WDR5: variants seen among roughly 807,000 people sequenced by gnomAD.
WDR5 encodes the protein WD repeat-containing protein 5.
For missense variants in WDR5, 187 were observed against 416.9 expected, an observed-to-expected ratio of 0.45 and a Z score of 4.80; for synonymous variants, 144 against 161.6, an observed-to-expected ratio of 0.89 and a Z score of 0.83.
intron 9 of WDR5, among the ~76,000 whole-genome samples, chr9:134,153,231 C>T (rs571939502): frequency 6.6e-6 from 1 of 152,308 alleles, no homozygotes; most frequent in African/African-American, 2.4e-5. Context: ...GGGGGGTTGT[C>T]CTCATCCTGC....
At chr9:134,156,354 A>AG in intron 12 of WDR5, 152 bp from the exon 13 acceptor site, 1 of 700,142 alleles carries the variant, frequency 1.4e-6, no homozygotes, top group Non-Finnish European at 2.5e-6. Flanking sequence ...GCCTGGCTGG[A>AG]GGGCAGGCAG....
At chr9:134,140,310 G>T (rs1336507610) in intron 2 of WDR5, among the ~76,000 whole-genome samples, 3 of 152,172 alleles carry the variant, frequency 2.0e-5, no homozygotes, top group African/African-American at 7.2e-5. Flanking sequence ...AAAGGGAGCA[G>T]GGCTTCAGTG....
chr9:134,151,758 A>G (rs1238833281), intron 8 of WDR5, among the ~76,000 whole-genome samples: 3 of 152,242 alleles, frequency 2.0e-5, no homozygotes, highest in South Asian at 2.1e-4. Flanking sequence ...TACCCCACAC[A>G]TGGTCTGCAC....
intron 1 of WDR5, among the ~76,000 whole-genome samples, chr9:134,137,480 C>G (rs1289125365): frequency 6.6e-6 from 1 of 151,732 alleles, no homozygotes; most frequent in African/African-American, 2.4e-5. Flanking sequence ...GTCAGGAGTT[C>G]GAGACTAGCC....
At chr9:134,145,096 G>GTTTTTTGTTTTTTTTTTTTT (rs1316019740) in intron 7 of WDR5, among the ~76,000 whole-genome samples, 24 of 104,660 alleles carry the variant, frequency 2.3e-4, no homozygotes, top group Non-Finnish European at 3.7e-4. Flanking sequence ...GTGGGGCTTT[G>GTTTTTTGTTTTTTTTTTTTT]TTTTTTTTTT....
intron 7 of WDR5, among the ~76,000 whole-genome samples, chr9:134,147,504 G>A (rs897105621): frequency 6.6e-6 from 1 of 152,128 alleles, no homozygotes; most frequent in Non-Finnish European, 1.5e-5. Flanking sequence ...ACTGCACAGG[G>A]GCAGTACCAC....
In WDR5 at chr9:134,158,143, G is replaced by A. The variant is rs1832835384; in HGVS notation, c.*150G>A. 5 of 678,018 alleles carry A rather than the reference G, an allele frequency of 7.4e-6. No individual in the cohort carries two copies. The Admixed American group carries it at 1.4e-4, about 18-fold the overall frequency. The allele number at this position is 678,018 out of a possible 1,614,324, so 42.0% of individuals were successfully genotyped here. ...TCCTCTCTGAAGATGATTTGGCCGA[G>A]CGGAAGGTGTGGACCACCGGAAAGT... On this transcript the variant is annotated 3_prime_UTR_variant, in exon 14 of 14. Coordinates refer to ENST00000358625, the MANE Select transcript of WDR5 (RefSeq NM_017588.3).
chr9:134,153,922 ACT>A (rs1832622943), intron 9 of WDR5, among the ~76,000 whole-genome samples: 1 of 150,958 alleles, frequency 6.6e-6, no homozygotes, highest in Non-Finnish European at 1.5e-5. Context: ...GGGAACCTTG[ACT>A]CTTTTTCAGC....
chr9:134,154,259 T>C (rs1340361202), intron 9 of WDR5, among the ~76,000 whole-genome samples: 1 of 152,120 alleles, frequency 6.6e-6, no homozygotes, highest in Non-Finnish European at 1.5e-5. Flanking sequence ...CCCGGGCCTA[T>C]GGGCTTGAGG....
chr9:134,152,922 T>C (rs1295852262), intron 9 of WDR5, among the ~76,000 whole-genome samples: 1 of 152,178 alleles, frequency 6.6e-6, no homozygotes. Flanking sequence ...CCTCCGTGTG[T>C]CCAAATGTCC....
chr9:134,147,764 A>C (rs1245453565), intron 7 of WDR5, among the ~76,000 whole-genome samples: 1 of 151,844 alleles, frequency 6.6e-6, no homozygotes, highest in Non-Finnish European at 1.5e-5. Context: ...TCATGCCTGT[A>C]CTCCCAGCAC....
At chr9:134,138,953 CT>C (rs1422955507) in intron 1 of WDR5, among the ~76,000 whole-genome samples, 1 of 152,126 alleles carries the variant, frequency 6.6e-6, no homozygotes, top group Non-Finnish European at 1.5e-5. Flanking sequence ...ACCTGTTGTG[CT>C]TTTATGAGAT....
rs536159368 is a variant in WDR5, at chr9:134,140,406, G to A, written c.82-297G>A. On this transcript the variant is annotated intron_variant, in intron 2 of 13. Transcript: ENST00000358625. Reference sequence around the variant, plus strand: ...GTAGCAGGATCACAGGTGGGATTGAGGTGGGGGGATGAGGTGGATTGAGGG... The same window carrying A: ...GTAGCAGGATCACAGGTGGGATTGAAGTGGGGGGATGAGGTGGATTGAGGG... Among the ~76,000 whole-genome samples the A allele has an allele frequency of 2.4e-4, 37 of 152,192 alleles. 1 individual carries two copies. The highest frequency in any genetic ancestry group is 2.1e-3 in the Admixed American group (32 of 15,280).
rs1832710483 is a variant in WDR5, at chr9:134,155,573, G to A, written c.742-120G>A. The A allele has an allele frequency of 1.4e-5, 18 of 1,278,474 alleles. No individual in the cohort carries two copies. In the South Asian group the frequency reaches 2.3e-4, roughly 16 times the overall value. The allele number at this position is 1,278,474 out of a possible 1,614,324, so 79.2% of individuals were successfully genotyped here. A position where few individuals can be genotyped will look rare whatever the true frequency, so the allele number is the denominator to read the frequency against. Reference sequence around the variant, plus strand: ...TTAAATCTTCGATTGTGTGGGTTTGGTACTTGTACTTTTCAGAAATAAGTG... The same window carrying A: ...TTAAATCTTCGATTGTGTGGGTTTGATACTTGTACTTTTCAGAAATAAGTG... On this transcript the variant is annotated intron_variant, in intron 11 of 13. Transcript: ENST00000358625.
In WDR5 at chr9:134,140,811, T is replaced by G. The variant is rs757850928; in HGVS notation, c.190T>G (p.Ser64Ala). The G allele has an allele frequency of 6.2e-7, 1 of 1,613,706 alleles. No homozygotes were observed. Among genetic ancestry groups the G allele is most frequent in the Non-Finnish European group, 8.5e-7 (1 of 1,179,614 alleles). Residue 64 changes from serine to alanine, a missense_variant and splice_region_variant, in exon 3 of 14, where the codon TCT becomes GCT. Coordinates refer to ENST00000358625, the MANE Select transcript of WDR5 (RefSeq NM_017588.3). ...SPNGEWLASS[S>A]ADKLIKIWGA... ...GAATGGAGAGTGGCTGGCAAGTTCA[T>G]GTACGTAGCACTGAGGCCCTTAGCT...
intron 7 of WDR5, among the ~76,000 whole-genome samples, chr9:134,147,001 G>A (rs1832243205): frequency 6.6e-6 from 1 of 152,346 alleles, no homozygotes; most frequent in East Asian, 1.9e-4. Context: ...GCTGCCAGCC[G>A]CATGATGGCC....
At chr9:134,149,168 C>G (rs1832366654) in intron 8 of WDR5, among the ~76,000 whole-genome samples, 1 of 152,160 alleles carries the variant, frequency 6.6e-6, no homozygotes, top group South Asian at 2.1e-4. Flanking sequence ...CCCAGGGGGT[C>G]ACAGTCTGTA....
Position 134,155,582 on chromosome 9 carries a change from C to G in WDR5, c.742-111C>G, listed in dbSNP as rs1024650463. The G allele has an allele frequency of 2.8e-5, 37 of 1,326,480 alleles. No homozygotes were observed. In the South Asian group the frequency reaches 4.9e-4, roughly 18 times the overall value. The allele number at this position is 1,326,480 out of a possible 1,614,324, so 82.2% of individuals were successfully genotyped here. ...CGATTGTGTGGGTTTGGTACTTGTACTTTTCAGAAATAAGTGAAGTGAGTA... is the reference window on the plus strand; with the variant it reads ...CGATTGTGTGGGTTTGGTACTTGTAGTTTTCAGAAATAAGTGAAGTGAGTA... On this transcript the variant is annotated intron_variant, in intron 11 of 13. Transcript: ENST00000358625.
chr9:134,154,668 T>A, intron 10 of WDR5, 127 bp downstream of exon 10: 1 of 1,096,444 alleles, frequency 9.1e-7, no homozygotes, highest in Non-Finnish European at 1.3e-6. Flanking sequence ...CTGGTGGAGC[T>A]TCGGCTTCTG....
Sources: gnomAD v4.1 joint callset for allele counts (sites outside exome capture counted in the v4.1 genomes callset) on GRCh38, gnomAD v4.1.1 for gene constraint, MANE v1.5 for transcripts, NCBI Gene and HGNC (gene_info 2026-07-23, HGNC 2026-07-21) for gene names.